Variants in ARHGAP24 observed in about 807,000 individuals in gnomAD.
ARHGAP24 encodes the protein Rho GTPase activating protein 24.
ARHGAP24 carries 50 observed loss-of-function variants against 76.4 expected under a neutral mutation model. That is an observed-to-expected ratio of 0.65 (90% CI 0.52 to 0.83). ARHGAP24 has a LOEUF of 0.83. Among genes scored for constraint, ARHGAP24 ranks in the 40% least tolerant of loss-of-function variants. ARHGAP24 has a pLI of 0.00. For missense variants in ARHGAP24, 930 were observed against 914.2 expected (o/e 1.02, Z -0.22); for synonymous variants, 345 against 323.3 (o/e 1.07, Z -0.72).
At chr4:85,894,096 T>TAAAAAAAA (rs139310412) in intron 3 of ARHGAP24, among the ~76,000 whole-genome samples, 1 of 54,100 alleles carries the variant, frequency 1.8e-5, no homozygotes. Context: ...ACTTAGAGTA[T>TAAAAAAAA]AATAAAAAAA....
At chr4:85,643,650 G>A (rs946646996) in intron 2 of ARHGAP24, among the ~76,000 whole-genome samples, 12 of 151,966 alleles carry the variant, frequency 7.9e-5, no homozygotes, top group Admixed American at 7.2e-4. Flanking sequence ...TCTCCCACGG[G>A]GGAATAAAAT....
At chr4:85,495,280 C>T (rs1248413159) in intron 1 of ARHGAP24, among the ~76,000 whole-genome samples, 2 of 148,714 alleles carry the variant, frequency 1.3e-5, no homozygotes, top group South Asian at 2.1e-4. Flanking sequence ...AGGAAGAGAG[C>T]GGCTAGTAGA....
At chr4:85,701,505 T>G (rs932345074) in intron 2 of ARHGAP24, among the ~76,000 whole-genome samples, 1 of 152,178 alleles carries the variant, frequency 6.6e-6, no homozygotes, top group African/African-American at 2.4e-5. Context: ...GTTTGCATCT[T>G]TTCAAAAAAA....
chr4:85,922,462 A>G (rs1040302779), intron 3 of ARHGAP24, among the ~76,000 whole-genome samples: 2 of 152,238 alleles, frequency 1.3e-5, no homozygotes, highest in African/African-American at 4.8e-5. Flanking sequence ...ACAACATCTT[A>G]ACCAAACACA....
In ARHGAP24 at chr4:85,852,550, A is replaced by C. The variant is rs572760412; in HGVS notation, c.269-71098A>C. ...AGGCACTCTGGTTTTTAGAATTTTC[A>C]GCTTTTCTGCTCTGGTTTCTCCCCA... On this transcript the variant is annotated intron_variant, in intron 3 of 9. Coordinates refer to ENST00000395184, the MANE Select transcript of ARHGAP24 (RefSeq NM_001025616.3). 3.8e-3 allele frequency among the ~76,000 whole-genome samples: 572 copies of C among 152,320 alleles called. 2 individuals carry two copies. The highest frequency in any genetic ancestry group is 0.013 in the African/African-American group (535 of 41,578).
chr4:85,932,562 G>A (rs1468205621), intron 4 of ARHGAP24, among the ~76,000 whole-genome samples: 1 of 151,822 alleles, frequency 6.6e-6, no homozygotes, highest in African/African-American at 2.4e-5. Flanking sequence ...GGCAGTGCCT[G>A]GGAAGAACAT....
At chr4:85,587,062 A>G (rs1207657055) in intron 2 of ARHGAP24, among the ~76,000 whole-genome samples, 1 of 152,196 alleles carries the variant, frequency 6.6e-6, no homozygotes, top group Non-Finnish European at 1.5e-5. Flanking sequence ...TCTTTTCTCA[A>G]AATGGTAGAT....
In ARHGAP24 at chr4:85,872,266, T is replaced by C. The variant is rs115129256; in HGVS notation, c.269-51382T>C. Among the ~76,000 whole-genome samples the C allele has an allele frequency of 4.0e-3, 602 of 152,072 alleles. 3 individuals carry two copies. The highest frequency in any genetic ancestry group is 0.014 in the African/African-American group (562 of 41,490). ...GACCAAATCAATCAACGCGTTGATA[T>C]AGAAATAGAAATCACTGAGTTTTAA... On this transcript the variant is annotated intron_variant, in intron 3 of 9. Coordinates refer to ENST00000395184, the MANE Select transcript of ARHGAP24 (RefSeq NM_001025616.3).
intron 2 of ARHGAP24, among the ~76,000 whole-genome samples, chr4:85,608,130 A>G (rs1037557042): frequency 1.3e-5 from 2 of 152,224 alleles, no homozygotes; most frequent in Non-Finnish European, 2.9e-5. Flanking sequence ...GAATGAGCAG[A>G]AAGTGTCTTA....
At chr4:85,549,780 G>A (rs1726056745) in intron 1 of ARHGAP24, among the ~76,000 whole-genome samples, 1 of 152,068 alleles carries the variant, frequency 6.6e-6, no homozygotes, top group African/African-American at 2.4e-5. Context: ...CCTCAAGTAG[G>A]CCCTGGCATC....
intron 3 of ARHGAP24, among the ~76,000 whole-genome samples, chr4:85,806,491 G>T (rs28717377): frequency 0.055 from 8,325 of 152,208 alleles, 579 homozygotes; most frequent in African/African-American, 0.16. Context: ...GGGCATTTGA[G>T]AGAAGGCTTT....
At chr4:85,714,978 G>T (rs1229829512) in intron 2 of ARHGAP24, among the ~76,000 whole-genome samples, 1 of 152,098 alleles carries the variant, frequency 6.6e-6, no homozygotes, top group African/African-American at 2.4e-5. Flanking sequence ...ACACAAATAT[G>T]TATTAAGAAT....
intron 3 of ARHGAP24, among the ~76,000 whole-genome samples, chr4:85,858,820 T>A (rs1731725716): frequency 6.6e-6 from 1 of 152,052 alleles, no homozygotes; most frequent in Non-Finnish European, 1.5e-5. Flanking sequence ...AGATTTTATT[T>A]TACCTGGAGA....
intron 1 of ARHGAP24, among the ~76,000 whole-genome samples, chr4:85,529,839 T>A (rs1392528149): frequency 6.6e-6 from 1 of 152,016 alleles, no homozygotes; most frequent in African/African-American, 2.4e-5. Context: ...TGATGTGACA[T>A]CTGGTTGACT....
chr4:85,570,581 G>A lies in ARHGAP24; in HGVS notation c.40G>A (p.Gly14Ser). Residue 14 changes from glycine (G) to serine (S), a missense_variant, in exon 2 of 10, where the codon GGC (glycine) becomes AGC (serine). Physicochemically the swap from Gly to Ser is moderately conservative, Grantham distance 56. Coordinates refer to ENST00000395184, the MANE Select transcript of ARHGAP24 (RefSeq NM_001025616.3). ...TGACTCCACGGAGAACCCCCAACAA[G>A]GCCAAGGGCGGCAGAATGCCATCAA... is the stretch of plus-strand genomic sequence containing the variant. ...NNDSTENPQQ[G>S]QGRQNAIKCG... 1 of 1,614,028 alleles carries A rather than the reference G, an allele frequency of 6.2e-7. No homozygotes were observed. The highest frequency in any genetic ancestry group is 8.5e-7 in the Non-Finnish European group (1 of 1,180,002).
chr4:85,515,691 A>G (rs925426391), intron 1 of ARHGAP24, among the ~76,000 whole-genome samples: 1 of 151,954 alleles, frequency 6.6e-6, no homozygotes, highest in Non-Finnish European at 1.5e-5. Flanking sequence ...TCAGTCTCCT[A>G]TGGATGGGCG....
intron 2 of ARHGAP24, among the ~76,000 whole-genome samples, chr4:85,580,761 T>G (rs1727573825): frequency 6.6e-6 from 1 of 152,164 alleles, no homozygotes; most frequent in African/African-American, 2.4e-5. Flanking sequence ...TCAGATGTTT[T>G]GCCTGTAGCC....
At chr4:85,670,426 C>A (rs994582122) in intron 2 of ARHGAP24, among the ~76,000 whole-genome samples, 22 of 152,286 alleles carry the variant, frequency 1.4e-4, no homozygotes, top group African/African-American at 5.1e-4. Flanking sequence ...GCAAACAGAG[C>A]AGAAAGCTCT....
chr4:85,710,850 A>G (rs1724500827), intron 2 of ARHGAP24, among the ~76,000 whole-genome samples: 1 of 152,064 alleles, frequency 6.6e-6, no homozygotes, highest in Admixed American at 6.6e-5. Flanking sequence ...GAATGCTTAT[A>G]CACTCTTGGT....
Sources: gnomAD v4.1 joint callset for allele counts (sites outside exome capture counted in the v4.1 genomes callset) on GRCh38, gnomAD v4.1.1 for gene constraint, MANE v1.5 for transcripts, NCBI Gene and HGNC (gene_info 2026-07-23, HGNC 2026-07-21) for gene names.